FBXO40: variants seen among roughly 807,000 people sequenced by gnomAD.
The protein encoded by FBXO40 is F-box only protein 40.
In FBXO40, 50 loss-of-function variants were observed where a neutral mutation model predicts 49.9. The observed-to-expected ratio is 1.00, with a 90% CI of 0.80 to 1.27. The LOEUF (loss-of-function observed/expected upper bound fraction) is 1.27. FBXO40 is among the 50% of genes most tolerant of loss of function. The pLI is 0.00. For synonymous variants in FBXO40, 340 were observed against 320.2 expected, an observed-to-expected ratio of 1.06 and a Z score of -0.66; for missense variants, 895 against 870.1, an observed-to-expected ratio of 1.03 and a Z score of -0.36.
Position 121,623,292 on chromosome 3 carries a change from G to A in FBXO40, c.1863G>A (p.Trp621Ter), listed in dbSNP as rs528828647. ...AGAGAGGAATGGTCCTTTTGCAATG[G>A]AAGAAAAAGAGGTATTCCCATGGAG... Reference protein sequence around the residue: ...LQERGMVLLQWKKKRYSHGGT... With the variant: ...LQERGMVLLQ The change falls in exon 3 of 4, where the codon TGG becomes TGA. Residue 621 changes from tryptophan (W) to a stop codon, truncating the protein, a stop_gained. Coordinates refer to ENST00000338040, the MANE Select transcript of FBXO40 (RefSeq NM_016298.4). LOFTEE classifies it high-confidence loss of function. 1 of 1,614,148 alleles carries A rather than the reference G, an allele frequency of 6.2e-7. No individual in the cohort carries two copies. The highest frequency in any genetic ancestry group is 1.7e-5 in the Admixed American group (1 of 60,014).
In FBXO40 at chr3:121,622,998, C is replaced by A; in HGVS notation, c.1569C>A (p.Asn523Lys). 6.2e-7 allele frequency: 1 copy of A among 1,614,218 alleles called. No individual in the cohort carries two copies. Among genetic ancestry groups the A allele is most frequent in the South Asian group, 1.1e-5 (1 of 91,074 alleles). ...LAYLGCTFVQ[N>K]HFRPPGQKAK... Reference sequence around the variant, plus strand: ...ACTTGGGATGTACATTTGTTCAAAACCATTTCCGTCCCCCAGGGCAAAAGG... The same window carrying A: ...ACTTGGGATGTACATTTGTTCAAAAACATTTCCGTCCCCCAGGGCAAAAGG... Residue 523 changes from asparagine (N) to lysine (K), a missense_variant, in exon 3 of 4, where the codon AAC becomes AAA. Transcript: ENST00000338040.
chr3:121,610,344 A>G (rs910199594), intron 1 of FBXO40, among the ~76,000 whole-genome samples: 3 of 152,184 alleles, frequency 2.0e-5, no homozygotes, highest in African/African-American at 7.2e-5. Context: ...AAGCTGATTT[A>G]TGGAAGTCCA....
rs140255370 is a variant in FBXO40, at chr3:121,622,348, T to G, written c.919T>G (p.Tyr307Asp). ...RLKTAVDAKD[Y>D]NMYLVHNGRM... ...GAAAACAGCTGTGGATGCAAAGGAC[T>G]ATAACATGTATCTAGTGCACAATGG... is the stretch of plus-strand genomic sequence containing the variant. Residue 307 changes from tyrosine to aspartate, a missense_variant, in exon 3 of 4, where the codon TAT becomes GAT. Tyr to Asp is a radical substitution (Grantham distance 160, BLOSUM62 -3). Coordinates refer to ENST00000338040, the MANE Select transcript of FBXO40 (RefSeq NM_016298.4). The G allele has an allele frequency of 6.2e-7, 1 of 1,614,214 alleles. No homozygotes were observed. The highest frequency in any genetic ancestry group is 1.1e-5 in the South Asian group (1 of 91,078).
intron 1 of FBXO40, among the ~76,000 whole-genome samples, chr3:121,612,347 G>T (rs1017169428): frequency 1.3e-5 from 2 of 152,168 alleles, no homozygotes; most frequent in African/African-American, 2.4e-5. Flanking sequence ...GTAAGACAGG[G>T]CTTGAAGGGT....
chr3:121,611,498 C>T (rs573298472), intron 1 of FBXO40, among the ~76,000 whole-genome samples: 2 of 152,186 alleles, frequency 1.3e-5, no homozygotes, highest in African/African-American at 2.4e-5. Flanking sequence ...GGCAGCATTG[C>T]TGTAAACATG....
rs1158895419 is a variant in FBXO40 at position 121,621,545 on chromosome 3, A to G, written c.116A>G (p.His39Arg). The change falls in exon 3 of 4, where the codon CAC (histidine) becomes CGC (arginine). Residue 39 changes from histidine (H) to arginine (R), a missense_variant. His to Arg is a conservative substitution (Grantham distance 29, BLOSUM62 0). Transcript: ENST00000338040. Reference sequence around the variant, plus strand: ...ACCTCCTGCCTGGTAATAAGCTGCCACCTGCTCTGTGGTGCCACCTTCCAC... The same window carrying G: ...ACCTCCTGCCTGGTAATAAGCTGCCGCCTGCTCTGTGGTGCCACCTTCCAC... ...PNTSCLVISC[H>R]LLCGATFHMC... is the part of the protein sequence containing the mutation. 1 of 1,614,098 alleles carries G rather than the reference A, an allele frequency of 6.2e-7. No individual in the cohort carries two copies. Among genetic ancestry groups the G allele is most frequent in the Non-Finnish European group, 8.5e-7 (1 of 1,180,042 alleles).
intron 1 of FBXO40, among the ~76,000 whole-genome samples, chr3:121,618,596 A>G (rs1383262756): frequency 6.7e-6 from 1 of 149,312 alleles, no homozygotes; most frequent in Non-Finnish European, 1.5e-5. Context: ...GGGTTTCACC[A>G]TGTTGACTAG....
chr3:121,602,614 C>T (rs1028954021), intron 1 of FBXO40, among the ~76,000 whole-genome samples: 1 of 152,218 alleles, frequency 6.6e-6, no homozygotes, highest in Non-Finnish European at 1.5e-5. Flanking sequence ...ATCGCATTCT[C>T]TACACAGCAG....
chr3:121,597,361 G>T (rs2048877819), intron 1 of FBXO40, among the ~76,000 whole-genome samples: 1 of 152,038 alleles, frequency 6.6e-6, no homozygotes, highest in Non-Finnish European at 1.5e-5. Flanking sequence ...ATTAAAGGGG[G>T]CCGAAAGTGG....
chr3:121,616,668 A>C (rs1371004378), intron 1 of FBXO40, among the ~76,000 whole-genome samples: 1 of 152,212 alleles, frequency 6.6e-6, no homozygotes, highest in Non-Finnish European at 1.5e-5. Context: ...CCTTATGCTC[A>C]CTTACTGGCA....
At chr3:121,608,062 G>A (rs1254556939) in intron 1 of FBXO40, among the ~76,000 whole-genome samples, 3 of 152,176 alleles carry the variant, frequency 2.0e-5, no homozygotes, top group African/African-American at 4.8e-5. Flanking sequence ...CACTGGCTCG[G>A]CTATGTCTGG....
rs769583651 is a variant in FBXO40, at chr3:121,622,113, C to A, written c.684C>A (p.Ala228=). 6.2e-7 allele frequency: 1 copy of A among 1,614,190 alleles called. No individual in the cohort carries two copies. The highest frequency in any genetic ancestry group is 8.5e-7 in the Non-Finnish European group (1 of 1,180,042). Residue 228 remains alanine, a synonymous_variant, in exon 3 of 4, where the codon GCC becomes GCA. Transcript: ENST00000338040. ...ATATTTTCAGCAAAGAGCACGCAGC[C>A]TCTGCTTTAACAAATTCATCAGCGA... is the stretch of plus-strand genomic sequence containing the variant. ...WENIFSKEHA[A]SALTNSSASC...
chr3:121,602,223 A>G (rs1576450192), intron 1 of FBXO40, among the ~76,000 whole-genome samples: 1 of 152,010 alleles, frequency 6.6e-6, no homozygotes, highest in Admixed American at 6.6e-5. Flanking sequence ...TATGTACTTC[A>G]TGGCTCCAAT....
chr3:121,595,100 G>A (rs1041582205), intron 1 of FBXO40, among the ~76,000 whole-genome samples: 5 of 152,152 alleles, frequency 3.3e-5, no homozygotes, highest in Non-Finnish European at 5.9e-5. Flanking sequence ...TAAAGCCACC[G>A]ATGCCAAGTA....
chr3:121,626,175 A>G (rs1032857830), intron 3 of FBXO40, among the ~76,000 whole-genome samples: 1 of 152,186 alleles, frequency 6.6e-6, no homozygotes, highest in Admixed American at 6.5e-5. Flanking sequence ...ATGCCCCCAA[A>G]TGACATCTCT....
At chr3:121,615,765 C>T (rs752758292) in intron 1 of FBXO40, among the ~76,000 whole-genome samples, 3 of 152,100 alleles carry the variant, frequency 2.0e-5, no homozygotes, top group East Asian at 1.9e-4. Flanking sequence ...CATCTGGGCA[C>T]TCTGCAGGCT....
chr3:121,617,017 G>A (rs2049000974), intron 1 of FBXO40, among the ~76,000 whole-genome samples: 1 of 152,162 alleles, frequency 6.6e-6, no homozygotes, highest in Non-Finnish European at 1.5e-5. Context: ...AAGGGTGTAG[G>A]GGATAGTAGG....
Position 121,622,689 on chromosome 3 carries a change from T to G in FBXO40, c.1260T>G (p.Asp420Glu). The change falls in exon 3 of 4, where the codon GAT (aspartate) becomes GAG (glutamate). Residue 420 changes from aspartate to glutamate, a missense_variant. By Grantham distance (45) the Asp-to-Glu change is conservative. Coordinates refer to ENST00000338040, the MANE Select transcript of FBXO40 (RefSeq NM_016298.4). ...GHVISESRSI[D>E]GLFMDFATQT... ...TCATCTCTGAATCCAGAAGCATTGA[T>G]GGACTGTTCATGGATTTTGCCACAC... 1 of 1,614,218 alleles carries G rather than the reference T, an allele frequency of 6.2e-7. No individual in the cohort carries two copies. The highest frequency in any genetic ancestry group is 8.5e-7 in the Non-Finnish European group (1 of 1,180,044).
intron 1 of FBXO40, among the ~76,000 whole-genome samples, chr3:121,607,915 A>T (rs1203010014): frequency 6.6e-6 from 1 of 152,216 alleles, no homozygotes; most frequent in Non-Finnish European, 1.5e-5. Context: ...CCCTTCCCAA[A>T]TGAGTGGAAT....
Sources: allele counts gnomAD v4.1 joint callset (sites outside exome capture counted in the v4.1 genomes callset), GRCh38; gene constraint gnomAD v4.1.1; transcripts MANE v1.5; gene names NCBI Gene and HGNC (gene_info 2026-07-23, HGNC 2026-07-21).